Variants in WASF3 observed in about 807,000 individuals in gnomAD.
WASF3 encodes actin-binding protein WASF3.
WASF3 carries 11 observed loss-of-function variants against 46.6 expected under a neutral mutation model. The ratio of observed to expected loss-of-function variants is 0.24; its 90% CI spans 0.15 to 0.39. The LOEUF (loss-of-function observed/expected upper bound fraction) is 0.39. WASF3 is among the 10% of genes least tolerant of loss of function. WASF3 has a pLI of 1.00. For missense variants in WASF3, 576 were observed against 669.8 expected (o/e 0.86, Z 1.55); for synonymous variants, 242 against 259.7 (o/e 0.93, Z 0.65).
intron 2 of WASF3, among the ~76,000 whole-genome samples, chr13:26,613,269 A>G (rs915893774): frequency 2.0e-5 from 3 of 151,870 alleles, no homozygotes; most frequent in Non-Finnish European, 4.4e-5. Context: ...GAAAGAGAAA[A>G]AAAAACTTGA....
intron 2 of WASF3, among the ~76,000 whole-genome samples, chr13:26,621,401 G>A (rs907836914): frequency 5.9e-5 from 9 of 152,192 alleles, no homozygotes; most frequent in African/African-American, 2.2e-4. Context: ...AGGAAAGTAT[G>A]CCAGAGCTGG....
At chr13:26,563,089 G>A (rs568181080) in intron 1 of WASF3, among the ~76,000 whole-genome samples, 1 of 151,616 alleles carries the variant, frequency 6.6e-6, no homozygotes, top group South Asian at 2.1e-4. Context: ...TCTCCAGGTC[G>A]TGATGTCTTT....
chr13:26,681,146 G>C lies in WASF3; in HGVS notation c.809G>C (p.Gly270Ala). 6.2e-7 allele frequency: 1 copy of C among 1,614,146 alleles called. No individual in the cohort carries two copies. Among genetic ancestry groups the C allele is most frequent in the African/African-American group, 1.3e-5 (1 of 75,032 alleles). ...PQPVTPSYAA[G>A]DVPPHGPASQ... is the part of the protein sequence containing the mutation. ...CCTGTGACCCCTTCCTATGCAGCTG[G>C]TGACGTGCCACCACACGGGCCTGCA... The change falls in exon 8 of 10, where the codon GGT becomes GCT. Residue 270 changes from glycine (G) to alanine (A), a missense_variant. By Grantham distance (60) the Gly-to-Ala change is moderately conservative (BLOSUM62 0). Around this residue, in one of 3 missense-constraint regions of WASF3, gnomAD observed 295 missense variants for 291.5 expected, o/e 1.01. Transcript: ENST00000335327.
intron 1 of WASF3, among the ~76,000 whole-genome samples, chr13:26,606,256 A>G (rs1880792930): frequency 6.6e-6 from 1 of 151,028 alleles, no homozygotes; most frequent in South Asian, 2.1e-4. Context: ...CACACACTTT[A>G]TTTCAGGAGC....
At chr13:26,648,293 T>C (rs981989597) in intron 3 of WASF3, among the ~76,000 whole-genome samples, 2 of 152,188 alleles carry the variant, frequency 1.3e-5, no homozygotes, top group Non-Finnish European at 2.9e-5. Flanking sequence ...GGAGTAATTG[T>C]ACAAATGAGA....
intron 2 of WASF3, among the ~76,000 whole-genome samples, chr13:26,617,972 C>T (rs1220259541): frequency 1.3e-5 from 2 of 152,152 alleles, no homozygotes; most frequent in East Asian, 1.9e-4. Flanking sequence ...TTGCCCTCCG[C>T]CATGTTGGTA....
At chr13:26,627,274 T>C (rs1881496157) in intron 2 of WASF3, among the ~76,000 whole-genome samples, 1 of 152,162 alleles carries the variant, frequency 6.6e-6, no homozygotes, top group South Asian at 2.1e-4. Context: ...CTATACTTTT[T>C]TTTTTATTTT....
At position 26,608,173 on chromosome 13, in the gene WASF3, G is replaced by A. The variant is rs151274827; in HGVS notation, c.-108-4788G>A. Among the ~76,000 whole-genome samples, 358 of 152,168 alleles carry A rather than the reference G, an allele frequency of 2.4e-3. 1 individual carries two copies. Among genetic ancestry groups the A allele is most frequent in the Non-Finnish European group, 4.2e-3 (288 of 67,998 alleles). ...GAGGGACTGTTAGCCCAGAGGTATG[G>A]GCCACTCATGGATCTTTACAATGCC... On this transcript the variant is annotated intron_variant, in intron 1 of 9. Coordinates refer to ENST00000335327, the MANE Select transcript of WASF3 (RefSeq NM_006646.6).
chr13:26,647,197 A>T (rs898034860), intron 3 of WASF3, among the ~76,000 whole-genome samples: 2 of 148,476 alleles, frequency 1.3e-5, no homozygotes, highest in Non-Finnish European at 3.0e-5. Flanking sequence ...AACATGAATG[A>T]CGATATAGTT....
intron 2 of WASF3, among the ~76,000 whole-genome samples, chr13:26,617,899 G>C (rs981351664): frequency 1.3e-5 from 2 of 152,062 alleles, no homozygotes; most frequent in African/African-American, 4.8e-5. Flanking sequence ...TAAGTGTTTG[G>C]TAGTTCCTCC....
At chr13:26,624,873 A>G (rs1881418055) in intron 2 of WASF3, among the ~76,000 whole-genome samples, 1 of 152,142 alleles carries the variant, frequency 6.6e-6, no homozygotes, top group Non-Finnish European at 1.5e-5. Context: ...AATCCTGTCG[A>G]TGCATAATTC....
chr13:26,600,651 G>A (rs1880615200), intron 1 of WASF3, among the ~76,000 whole-genome samples: 4 of 152,228 alleles, frequency 2.6e-5, no homozygotes, highest in Admixed American at 2.6e-4. Context: ...GAGCTGGGGT[G>A]TCTCCGTTCT....
chr13:26,678,144 TTTG>T lies in WASF3; in HGVS notation c.716+1425_716+1427del, dbSNP rs1883120321. 3.3e-5 allele frequency among the ~76,000 whole-genome samples: 5 copies of T among 152,328 alleles called. No homozygotes were observed. In the South Asian group the frequency reaches 6.2e-4, roughly 19 times the overall value. ...ATTGTTTTATTTCTTCAGAATTCCT[TTTG>T]TTGTCTCCTACTATTTCCCATGGCT... On this transcript the variant is annotated intron_variant, in intron 7 of 9. Transcript: ENST00000335327.
At chr13:26,603,633 C>T (rs182546462) in intron 1 of WASF3, among the ~76,000 whole-genome samples, 11 of 152,168 alleles carry the variant, frequency 7.2e-5, no homozygotes, top group African/African-American at 2.6e-4. Context: ...TGAGACCAGC[C>T]TGGGCAGCAC....
intron 1 of WASF3, among the ~76,000 whole-genome samples, chr13:26,576,648 G>C (rs1035940874): frequency 2.0e-5 from 3 of 152,164 alleles, no homozygotes; most frequent in African/African-American, 4.8e-5. Context: ...TGGTTCCCAA[G>C]TTTTCAGAGA....
At chr13:26,666,793 G>T (rs1187439446) in intron 4 of WASF3, among the ~76,000 whole-genome samples, 2 of 149,632 alleles carry the variant, frequency 1.3e-5, no homozygotes, top group Non-Finnish European at 3.0e-5. Context: ...CAGCTACTCG[G>T]GAGGCTGAGG....
chr13:26,636,239 A>G (rs1420905277), intron 2 of WASF3, among the ~76,000 whole-genome samples: 2 of 152,196 alleles, frequency 1.3e-5, no homozygotes, highest in African/African-American at 4.8e-5. Flanking sequence ...TCCCCCTGTC[A>G]GGCTGCTTCC....
intron 1 of WASF3, among the ~76,000 whole-genome samples, chr13:26,579,212 G>C (rs1418134297): frequency 2.0e-5 from 3 of 151,422 alleles, no homozygotes; most frequent in Non-Finnish European, 4.4e-5. Context: ...ATGCTGCTGA[G>C]GCTGGTCTTG....
At chr13:26,630,156 T>A (rs1881606431) in intron 2 of WASF3, among the ~76,000 whole-genome samples, 1 of 152,168 alleles carries the variant, frequency 6.6e-6, no homozygotes, top group Non-Finnish European at 1.5e-5. Context: ...TTTACTGTTG[T>A]TAAGTTTTGT....
Sources: gnomAD v4.1 joint callset for allele counts (sites outside exome capture counted in the v4.1 genomes callset) on GRCh38, gnomAD v4.1.1 for gene constraint, gnomAD v4.1.1 regional missense constraint, MANE v1.5 for transcripts, NCBI Gene and HGNC (gene_info 2026-07-23, HGNC 2026-07-21) for gene names.